Variants in SH2D4A observed in about 807,000 individuals in gnomAD.
SH2D4A encodes the protein SH2 domain-containing protein 4A.
A neutral mutation model predicts 64.7 loss-of-function variants in SH2D4A; 70 were observed. The observed-to-expected ratio is 1.08, with a 90% confidence interval of 0.89 to 1.32. The LOEUF (loss-of-function observed/expected upper bound fraction) is 1.32, where lower values mean the gene tolerates loss of function less well. Among genes scored for constraint, SH2D4A ranks in the 40% most tolerant of loss-of-function variants. SH2D4A has a pLI of 0.00. For synonymous variants in SH2D4A, 268 were observed against 200.7 expected (o/e 1.34, Z -2.83); for missense variants, 706 against 540.1 (o/e 1.31, Z -3.04).
chr8:19,324,513 C>A (rs1285972959), intron 2 of SH2D4A, among the ~76,000 whole-genome samples: 1 of 152,200 alleles, frequency 6.6e-6, no homozygotes, highest in Non-Finnish European at 1.5e-5. Flanking sequence ...AGCACAGGGG[C>A]ATCACCTGCT....
intron 8 of SH2D4A, among the ~76,000 whole-genome samples, chr8:19,388,759 A>G (rs958512867): frequency 2.0e-5 from 3 of 152,246 alleles, no homozygotes; most frequent in Non-Finnish European, 2.9e-5. Flanking sequence ...AGTGTCCCAC[A>G]GAAGGAAGTT....
chr8:19,384,106 A>C (rs2053344535), intron 8 of SH2D4A, among the ~76,000 whole-genome samples: 1 of 152,200 alleles, frequency 6.6e-6, no homozygotes, highest in Non-Finnish European at 1.5e-5. Context: ...CTTCAGTAAA[A>C]TAGATTGTAA....
intron 4 of SH2D4A, among the ~76,000 whole-genome samples, chr8:19,342,179 A>C (rs887012071): frequency 6.6e-6 from 1 of 152,226 alleles, no homozygotes. Context: ...AGTCTTATAC[A>C]CATCAGGATA....
At chr8:19,373,788 C>T in intron 8 of SH2D4A, 128 bp downstream of exon 8, 1 of 1,302,826 alleles carries the variant, frequency 7.7e-7, no homozygotes, top group Non-Finnish European at 1.0e-6. Flanking sequence ...CAGATTATTT[C>T]ACAAAGCAGT....
chr8:19,351,567 T>C (rs1263419248), intron 4 of SH2D4A, among the ~76,000 whole-genome samples: 2 of 151,958 alleles, frequency 1.3e-5, no homozygotes, highest in Admixed American at 6.6e-5. Flanking sequence ...CGCACCACTG[T>C]ATTCCAGCCT....
At chr8:19,371,956 G>A (rs918784458) in intron 7 of SH2D4A, among the ~76,000 whole-genome samples, 5 of 152,024 alleles carry the variant, frequency 3.3e-5, no homozygotes, top group Admixed American at 6.6e-5. Flanking sequence ...CTTGAAGTTT[G>A]TTGAGCTTTC....
chr8:19,369,391 C>G (rs78095987), intron 7 of SH2D4A, among the ~76,000 whole-genome samples: 7,406 of 151,954 alleles, frequency 0.049, 597 homozygotes, highest in African/African-American at 0.17. Flanking sequence ...CAGTTTTTTG[C>G]AGTAGTTTGA....
At chr8:19,367,283 G>A (rs764460802) in intron 7 of SH2D4A, among the ~76,000 whole-genome samples, 1 of 151,894 alleles carries the variant, frequency 6.6e-6, no homozygotes, top group Non-Finnish European at 1.5e-5. Context: ...TGGGATTGTT[G>A]GAGCTTTTGT....
chr8:19,381,601 C>A (rs756198642), intron 8 of SH2D4A, among the ~76,000 whole-genome samples: 1 of 152,164 alleles, frequency 6.6e-6, no homozygotes, highest in Admixed American at 6.6e-5. Flanking sequence ...TATCATCTGA[C>A]AACAGAGATA....
intron 2 of SH2D4A, among the ~76,000 whole-genome samples, chr8:19,327,573 A>T (rs1329186024): frequency 2.0e-5 from 3 of 151,978 alleles, no homozygotes; most frequent in Non-Finnish European, 2.9e-5. Flanking sequence ...ACCTCCTTCT[A>T]TCCATCATTC....
intron 4 of SH2D4A, among the ~76,000 whole-genome samples, chr8:19,337,096 G>T (rs887210059): frequency 2.6e-5 from 4 of 152,112 alleles, no homozygotes; most frequent in South Asian, 2.1e-4. Context: ...AGGGGAGAAA[G>T]AAATATTCAG....
chr8:19,376,249 A>T (rs1408485422), intron 8 of SH2D4A, among the ~76,000 whole-genome samples: 1 of 152,140 alleles, frequency 6.6e-6, no homozygotes, highest in Non-Finnish European at 1.5e-5. Flanking sequence ...CCTTTGACGT[A>T]GGAAGGCCTT....
At chr8:19,354,399 C>A (rs753409158) in intron 4 of SH2D4A, among the ~76,000 whole-genome samples, 2 of 152,192 alleles carry the variant, frequency 1.3e-5, no homozygotes, top group African/African-American at 2.4e-5. Context: ...GGAAAATCAT[C>A]AATCATCTCC....
chr8:19,389,152 A>G (rs1053851523), intron 8 of SH2D4A, among the ~76,000 whole-genome samples: 6 of 152,192 alleles, frequency 3.9e-5, no homozygotes, highest in African/African-American at 7.2e-5. Flanking sequence ...GTTTTCCAGG[A>G]GGAAGCTGTG....
chr8:19,361,286 G>C lies in SH2D4A; in HGVS notation c.678G>C (p.Trp226Cys). The stretch of plus-strand genomic sequence containing the variant: ...GAACGAAGCAGATTTGTAAGAGCTG[G>C]AAAGAAGACTCGGAATGGCAGGCAT... ...EERTKQICKS[W>C]KEDSEWQASL... Residue 226 changes from tryptophan to cysteine, a missense_variant, in exon 6 of 10, where the codon TGG becomes TGC. By Grantham distance (215) the Trp-to-Cys change is radical (BLOSUM62 -2). Coordinates refer to ENST00000265807, the MANE Select transcript of SH2D4A (RefSeq NM_022071.4). 6.2e-7 allele frequency: 1 copy of C among 1,612,124 alleles called. No homozygotes were observed. Among genetic ancestry groups the C allele is most frequent in the Non-Finnish European group, 8.5e-7 (1 of 1,179,446 alleles).
chr8:19,332,400 C>T (rs1300976662), intron 2 of SH2D4A, among the ~76,000 whole-genome samples: 1 of 152,138 alleles, frequency 6.6e-6, no homozygotes, highest in African/African-American at 2.4e-5. Flanking sequence ...CTTTGGCAGG[C>T]TGAGGTGGGT....
chr8:19,324,582 G>A (rs1441965339), intron 2 of SH2D4A, among the ~76,000 whole-genome samples: 1 of 152,076 alleles, frequency 6.6e-6, no homozygotes, highest in Admixed American at 6.5e-5. Flanking sequence ...ATGCCTCTTG[G>A]TGTCTCTCTC....
At chr8:19,382,413 C>T (rs767863893) in intron 8 of SH2D4A, among the ~76,000 whole-genome samples, 3 of 152,056 alleles carry the variant, frequency 2.0e-5, no homozygotes, top group Non-Finnish European at 2.9e-5. Flanking sequence ...ATACACATTC[C>T]GTAAAAACCA....
chr8:19,360,834 T>C (rs1344655249), intron 5 of SH2D4A: 1 of 157,100 alleles, frequency 6.4e-6, no homozygotes, highest in African/African-American at 2.4e-5. Flanking sequence ...AGCAGCTAAG[T>C]ACTGTGTCTG....
Sources: gnomAD v4.1 joint callset for allele counts (sites outside exome capture counted in the v4.1 genomes callset) on GRCh38, gnomAD v4.1.1 for gene constraint, MANE v1.5 for transcripts, NCBI Gene and HGNC (gene_info 2026-07-23, HGNC 2026-07-21) for gene names.